The following GPC5 variants were observed in gnomAD, a reference collection of about 807,000 sequenced individuals.
The protein encoded by GPC5 is glypican 5.
In GPC5, 47 loss-of-function variants were observed where a neutral mutation model predicts 53.9. That is an observed-to-expected ratio of 0.87 (90% CI 0.69 to 1.11). The LOEUF is 1.11. Among genes scored for constraint, GPC5 ranks in the 50% most tolerant of loss-of-function variants. GPC5 has a pLI of 0.00. For missense variants in GPC5, 748 were observed against 713.1 expected (o/e 1.05, Z -0.56); for synonymous variants, 286 against 263.3 (o/e 1.09, Z -0.84).
chr13:91,790,660 G>A (rs1050111819), intron 5 of GPC5, among the ~76,000 whole-genome samples: 1 of 152,224 alleles, frequency 6.6e-6, no homozygotes, highest in African/African-American at 2.4e-5. Context: ...CAAATGAAAA[G>A]CATCTGATAG....
At chr13:92,587,696 T>C (rs972662406) in intron 7 of GPC5, among the ~76,000 whole-genome samples, 5 of 152,094 alleles carry the variant, frequency 3.3e-5, no homozygotes, top group African/African-American at 7.2e-5. Flanking sequence ...AATAAAAATA[T>C]AGATACAGCC....
Position 92,385,506 on chromosome 13 carries a change from A to G in GPC5, c.1561+240517A>G, listed in dbSNP as rs1218128135. 6.2e-4 allele frequency among the ~76,000 whole-genome samples: 83 copies of G among 133,112 alleles called. 2 individuals carry two copies. The highest frequency in any genetic ancestry group is 4.4e-3 in the East Asian group (19 of 4,280). 87.3% of individuals were successfully genotyped at this position (133,112 alleles called of 152,430 possible). ...TATATACACATATATACATACATAT[A>G]CATATATACATACATATGCATATAT... On this transcript the variant is annotated intron_variant, in intron 7 of 7. Transcript: ENST00000377067.
chr13:92,048,601 C>A (rs2041002510), intron 6 of GPC5, among the ~76,000 whole-genome samples: 1 of 152,192 alleles, frequency 6.6e-6, no homozygotes, highest in Admixed American at 6.5e-5. Flanking sequence ...TTCACTTTTA[C>A]ATGGCAGAGT....
At chr13:92,001,924 G>T (rs2040558893) in intron 6 of GPC5, among the ~76,000 whole-genome samples, 1 of 152,070 alleles carries the variant, frequency 6.6e-6, no homozygotes, top group Non-Finnish European at 1.5e-5. Context: ...TGTGCCATTT[G>T]GAATGTAGGT....
intron 7 of GPC5, among the ~76,000 whole-genome samples, chr13:92,772,681 T>A (rs540585506): frequency 4.6e-5 from 7 of 152,318 alleles, no homozygotes; most frequent in Admixed American, 2.0e-4. Flanking sequence ...GAAAGGAAGC[T>A]CCATGAGAAT....
intron 7 of GPC5, among the ~76,000 whole-genome samples, chr13:92,234,676 G>A (rs1032289718): frequency 6.6e-6 from 1 of 152,044 alleles, no homozygotes; most frequent in African/African-American, 2.4e-5. Flanking sequence ...TTTATTAATT[G>A]TATGGATCCA....
intron 5 of GPC5, among the ~76,000 whole-genome samples, chr13:91,841,827 C>A (rs2038791246): frequency 6.6e-6 from 1 of 152,128 alleles, no homozygotes; most frequent in Middle Eastern, 3.2e-3. Context: ...TTCAGTGAGT[C>A]TTGGAGCATA....
chr13:92,724,335 AAAAC>A (rs760451421), intron 7 of GPC5, among the ~76,000 whole-genome samples: 48 of 151,780 alleles, frequency 3.2e-4, no homozygotes, highest in Middle Eastern at 3.5e-3. Context: ...TGTGTTAATA[AAAAC>A]AAACAAAACA....
At chr13:92,412,251 G>A (rs557376759) in intron 7 of GPC5, among the ~76,000 whole-genome samples, 16 of 152,272 alleles carry the variant, frequency 1.1e-4, no homozygotes, top group African/African-American at 3.6e-4. Flanking sequence ...TTCTTTCACA[G>A]ATATTTACTG....
At chr13:91,531,305 T>A (rs1886331904) in intron 2 of GPC5, among the ~76,000 whole-genome samples, 1 of 152,232 alleles carries the variant, frequency 6.6e-6, no homozygotes, top group African/African-American at 2.4e-5. Flanking sequence ...TGAATAGCTT[T>A]AGCTATCCAA....
intron 7 of GPC5, among the ~76,000 whole-genome samples, chr13:92,703,882 C>T (rs951979124): frequency 1.3e-5 from 2 of 151,806 alleles, no homozygotes; most frequent in African/African-American, 4.8e-5. Flanking sequence ...CATGGGAATT[C>T]ATTTAATATT....
intron 7 of GPC5, among the ~76,000 whole-genome samples, chr13:92,239,266 A>G (rs2042592244): frequency 6.6e-6 from 1 of 151,412 alleles, no homozygotes; most frequent in African/African-American, 2.4e-5. Flanking sequence ...TTTTAATAGG[A>G]TTTTTACTGA....
chr13:91,876,620 C>T (rs968850740), intron 5 of GPC5, among the ~76,000 whole-genome samples: 15 of 152,226 alleles, frequency 9.9e-5, no homozygotes, highest in Non-Finnish European at 2.9e-5. Flanking sequence ...AGATGTGACT[C>T]GGATGCTGTC....
chr13:92,190,873 T>G (rs2042218524), intron 7 of GPC5, among the ~76,000 whole-genome samples: 1 of 152,114 alleles, frequency 6.6e-6, no homozygotes, highest in Non-Finnish European at 1.5e-5. Context: ...ACTGTATCAA[T>G]AATCACCTTA....
At chr13:92,296,449 T>G (rs2043035134) in intron 7 of GPC5, among the ~76,000 whole-genome samples, 1 of 150,686 alleles carries the variant, frequency 6.6e-6, no homozygotes. Flanking sequence ...GGGATGGGGG[T>G]GAGATTCCCA....
At chr13:92,278,392 T>C (rs1053087546) in intron 7 of GPC5, among the ~76,000 whole-genome samples, 1 of 152,004 alleles carries the variant, frequency 6.6e-6, no homozygotes, top group Non-Finnish European at 1.5e-5. Flanking sequence ...ATTTTCCTTG[T>C]GGATTGAGAC....
chr13:92,153,581 A>G (rs1352591855), intron 7 of GPC5, among the ~76,000 whole-genome samples: 2 of 152,212 alleles, frequency 1.3e-5, no homozygotes, highest in Admixed American at 1.3e-4. Context: ...AACCATCTGG[A>G]AAGTATCTCT....
At position 92,866,717 on chromosome 13, in the gene GPC5, T is replaced by C. The variant is rs937524907; in HGVS notation, c.*278T>C. 4.4e-6 allele frequency: 1 copy of C among 229,682 alleles called. No homozygotes were observed. The highest frequency in any genetic ancestry group is 8.4e-6 in the Non-Finnish European group (1 of 119,092). The allele number at this position is 229,682 out of a possible 1,614,324, so 14.2% of individuals were successfully genotyped here. A position where few individuals can be genotyped will look rare whatever the true frequency, so the allele number is the denominator to read the frequency against. On this transcript the variant is annotated 3_prime_UTR_variant, in exon 8 of 8. Transcript: ENST00000377067. Reference sequence around the variant, plus strand: ...AGATGTGAAGGGCACAGAAGTGACTTTGAATAAGAAGAATTTAGTGTATCT... The same window carrying C: ...AGATGTGAAGGGCACAGAAGTGACTCTGAATAAGAAGAATTTAGTGTATCT...
intron 5 of GPC5, among the ~76,000 whole-genome samples, chr13:91,883,270 A>T (rs1166354033): frequency 6.6e-6 from 1 of 152,186 alleles, no homozygotes; most frequent in Non-Finnish European, 1.5e-5. Flanking sequence ...TTCCAAGGGA[A>T]CCAGGTGGAA....
Sources: allele counts gnomAD v4.1 joint callset (sites outside exome capture counted in the v4.1 genomes callset), GRCh38; gene constraint gnomAD v4.1.1; transcripts MANE v1.5; gene names NCBI Gene and HGNC (gene_info 2026-07-23, HGNC 2026-07-21).